Variants in SAMD4A observed in about 807,000 individuals in gnomAD.
The protein encoded by SAMD4A is sterile alpha motif domain containing 4A.
Under a neutral mutation model 81.3 loss-of-function variants are expected in SAMD4A, and 33 were observed. The observed-to-expected ratio is 0.41, with a 90% confidence interval of 0.31 to 0.54. The LOEUF (loss-of-function observed/expected upper bound fraction) is 0.54, where lower values mean the gene tolerates loss of function less well. Ranked by LOEUF, SAMD4A falls within the 20% of genes least tolerant of loss-of-function variation. The pLI is 0.37. For missense variants in SAMD4A, 854 were observed against 951.1 expected, an observed-to-expected ratio of 0.90 and a Z score of 1.34; for synonymous variants, 389 against 382.1, an observed-to-expected ratio of 1.02 and a Z score of -0.21.
chr14:54,576,001 C>CTTTTTTTTTTTTTTTTTTTTTTTTT (rs57819180), intron 2 of SAMD4A, among the ~76,000 whole-genome samples: 1 of 80,026 alleles, frequency 1.2e-5, no homozygotes, highest in East Asian at 5.0e-4. Flanking sequence ...TTCTTTCTTT[C>CTTTTTTTTTTTTTTTTTTTTTTTTT]TTTTTTTTTT....
chr14:54,634,816 C>T (rs1236990776), intron 2 of SAMD4A, among the ~76,000 whole-genome samples: 1 of 151,966 alleles, frequency 6.6e-6, no homozygotes. Context: ...TATACTGACA[C>T]GTTATTTATA....
chr14:54,618,827 C>T (rs942306995), intron 2 of SAMD4A, among the ~76,000 whole-genome samples: 1 of 151,326 alleles, frequency 6.6e-6, no homozygotes, highest in African/African-American at 2.4e-5. Context: ...AAATTATTTA[C>T]TCAAAGATAT....
chr14:54,718,397 G>A (rs2037175275), intron 3 of SAMD4A, among the ~76,000 whole-genome samples: 1 of 152,178 alleles, frequency 6.6e-6, no homozygotes, highest in South Asian at 2.1e-4. Context: ...CCTTAACCAG[G>A]GCTTTGTGTT....
At chr14:54,710,781 G>A (rs1246021909) in intron 3 of SAMD4A, among the ~76,000 whole-genome samples, 1 of 152,152 alleles carries the variant, frequency 6.6e-6, no homozygotes, top group Non-Finnish European at 1.5e-5. Flanking sequence ...TCAGTTTTTG[G>A]TCGCCATGTT....
upstream of SAMD4A, among the ~76,000 whole-genome samples, chr14:54,566,614 C>T (rs1439110387): frequency 6.6e-6 from 1 of 151,842 alleles, no homozygotes; most frequent in South Asian, 2.1e-4. Context: ...AAGGGAGCAG[C>T]GCTGCGGACC....
intron 2 of SAMD4A, among the ~76,000 whole-genome samples, chr14:54,653,714 C>G (rs997795256): frequency 2.6e-5 from 4 of 152,074 alleles, no homozygotes; most frequent in African/African-American, 9.7e-5. Flanking sequence ...ATAATTGGAT[C>G]AGAATTTTAG....
At chr14:54,696,684 A>C (rs919793789) in intron 2 of SAMD4A, among the ~76,000 whole-genome samples, 3 of 152,226 alleles carry the variant, frequency 2.0e-5, no homozygotes, top group Non-Finnish European at 4.4e-5. Flanking sequence ...CACTCCAAAA[A>C]TCATTGGGAC....
In SAMD4A at chr14:54,675,367, C is replaced by CAAAAAAA. The variant is rs59110762; in HGVS notation, c.197-26681_197-26675dup. On this transcript the variant is annotated intron_variant, in intron 2 of 12. Coordinates refer to ENST00000554335, the MANE Select transcript of SAMD4A (RefSeq NM_015589.6). ...GGCAACAAGAGTGAAACTCCGTCTC[C>CAAAAAAA]AAAAAAAAAAAAAAAAAAAAGGCAG... Among the ~76,000 whole-genome samples, 135 of 75,364 alleles carry CAAAAAAA rather than the reference C, an allele frequency of 1.8e-3. 8 individuals carry two copies. In the South Asian group the frequency reaches 0.025, roughly 14 times the overall value. 49.4% of individuals were successfully genotyped at this position (75,364 alleles called of 152,430 possible). A position where few individuals can be genotyped will look rare whatever the true frequency, so the allele number is the denominator to read the frequency against.
intron 3 of SAMD4A, among the ~76,000 whole-genome samples, chr14:54,728,854 T>C (rs2037489788): frequency 6.6e-6 from 1 of 152,192 alleles, no homozygotes; most frequent in Non-Finnish European, 1.5e-5. Flanking sequence ...AAGGCTCTGC[T>C]GGCCGTAGGA....
intron 2 of SAMD4A, among the ~76,000 whole-genome samples, chr14:54,630,906 ATATGTGTG>A (rs1480237637): frequency 1.5e-5 from 1 of 65,482 alleles, no homozygotes; most frequent in African/African-American, 6.0e-5. Flanking sequence ...CTTGTATTTT[ATATGTGTG>A]TGTGTGTGTG....
chr14:54,590,316 T>G (rs542828348), intron 2 of SAMD4A, among the ~76,000 whole-genome samples: 1 of 152,154 alleles, frequency 6.6e-6, no homozygotes, highest in East Asian at 1.9e-4. Context: ...TCGTGAGACT[T>G]CATCTCTACG....
chr14:54,673,068 G>A (rs899398560), intron 2 of SAMD4A, among the ~76,000 whole-genome samples: 2 of 152,196 alleles, frequency 1.3e-5, no homozygotes, highest in African/African-American at 4.8e-5. Context: ...GTAAATGATG[G>A]GAAGTATTTG....
At chr14:54,601,795 A>G (rs1223891366) in intron 2 of SAMD4A, among the ~76,000 whole-genome samples, 1 of 152,206 alleles carries the variant, frequency 6.6e-6, no homozygotes, top group Non-Finnish European at 1.5e-5. Context: ...ACCAAGGCTG[A>G]TGACTTGGAG....
chr14:54,743,528 C>T (rs905792341), intron 4 of SAMD4A, among the ~76,000 whole-genome samples: 4 of 152,218 alleles, frequency 2.6e-5, no homozygotes, highest in East Asian at 1.9e-4. Flanking sequence ...GCACACAAGG[C>T]GCAGCCTTTG....
At chr14:54,582,281 C>T (rs2033491047) in intron 2 of SAMD4A, among the ~76,000 whole-genome samples, 1 of 151,780 alleles carries the variant, frequency 6.6e-6, no homozygotes. Flanking sequence ...TTTTTAAAGA[C>T]TTTCCTACCT....
intron 2 of SAMD4A, among the ~76,000 whole-genome samples, chr14:54,692,364 A>ACTC (rs778886117): frequency 7.9e-5 from 12 of 151,640 alleles, no homozygotes; most frequent in Non-Finnish European, 1.0e-4. Context: ...GTCTGTTTAT[A>ACTC]CTCCTCCCAA....
At chr14:54,611,158 A>G (rs1278641084) in intron 2 of SAMD4A, among the ~76,000 whole-genome samples, 1 of 152,232 alleles carries the variant, frequency 6.6e-6, no homozygotes, top group Non-Finnish European at 1.5e-5. Flanking sequence ...GAGAAAAAAA[A>G]ACCTAAAAAA....
chr14:54,658,600 T>C (rs114321905), intron 2 of SAMD4A, among the ~76,000 whole-genome samples: 2,388 of 152,250 alleles, frequency 0.016, 47 homozygotes, highest in African/African-American at 0.054. Flanking sequence ...CTCATCACAG[T>C]CAACTTGTGC....
chr14:54,572,414 T>C (rs990588147), intron 2 of SAMD4A, among the ~76,000 whole-genome samples: 3 of 152,216 alleles, frequency 2.0e-5, no homozygotes, highest in Non-Finnish European at 4.4e-5. Context: ...ATGCAGAAGA[T>C]AGTGTTATCC....
Sources: gnomAD v4.1 joint callset for allele counts (sites outside exome capture counted in the v4.1 genomes callset) on GRCh38, gnomAD v4.1.1 for gene constraint, MANE v1.5 for transcripts, NCBI Gene and HGNC (gene_info 2026-07-23, HGNC 2026-07-21) for gene names.